ABCB9: variants seen among roughly 807,000 people sequenced by gnomAD.
The protein encoded by ABCB9 is ATP binding cassette subfamily B member 9, also known as ABC-type oligopeptide transporter ABCB9.
A neutral mutation model predicts 62.0 loss-of-function variants in ABCB9; 36 were observed. The ratio of observed to expected loss-of-function variants is 0.58; its 90% CI spans 0.45 to 0.77. ABCB9 has a LOEUF of 0.77. Ranked by LOEUF, ABCB9 falls within the 30% of genes least tolerant of loss-of-function variation. The pLI is 0.00. For synonymous variants in ABCB9, 435 were observed against 461.4 expected (o/e 0.94, Z 0.73); for missense variants, 943 against 1,054.7 (o/e 0.89, Z 1.47).
Position 122,959,972 on chromosome 12 carries a change from G to A in ABCB9, c.264C>T (p.Leu88=), listed in dbSNP as rs141160734. The change falls in exon 2 of 12, where the codon CTC becomes CTT. Residue 88 remains leucine (L), a synonymous_variant. Coordinates refer to ENST00000280560, the MANE Select transcript of ABCB9 (RefSeq NM_019625.4). This position sits in a 1 kb window ranked among gnomAD's most constrained non-coding sequence, Gnocchi z 5.4. ...RLRASWLVIT[L]VCLFVGIYAM... is the part of the protein sequence containing the mutation. Reference sequence around the variant, plus strand: ...CATAGATGCCCACGAAGAGGCACACGAGGGTGATGACCAGCCACGAGGCCC... The same window carrying A: ...CATAGATGCCCACGAAGAGGCACACAAGGGTGATGACCAGCCACGAGGCCC... 1.2e-3 allele frequency: 1,999 copies of A among 1,613,214 alleles called. 27 individuals carry two copies. The South Asian group carries it at 0.016, about 13-fold the overall frequency.
chr12:122,932,778 A>T lies in ABCB9; in HGVS notation c.1904-450T>A, dbSNP rs2035253525. Among the ~76,000 whole-genome samples, 1 of 152,272 alleles carries T rather than the reference A, an allele frequency of 6.6e-6. No individual in the cohort carries two copies. The highest frequency in any genetic ancestry group is 2.1e-4 in the South Asian group (1 of 4,820). On this transcript the variant is annotated intron_variant, in intron 10 of 11. Coordinates refer to ENST00000280560, the MANE Select transcript of ABCB9 (RefSeq NM_019625.4). The surrounding 1 kb of genome is among the most constrained non-coding windows in gnomAD (Gnocchi z 4.7). ...CTGGACCAATTTTCCCCATGGACCG[A>T]CTTCCTCCCATGCACAACAATATAG...
chr12:122,969,191 G>A (rs1287836825), upstream of ABCB9, among the ~76,000 whole-genome samples: 2 of 103,782 alleles, frequency 1.9e-5, no homozygotes, highest in Admixed American at 9.8e-5. Flanking sequence ...CCCCCCCCCC[G>A]GCTGCCATGT....
chr12:122,957,778 C>A (rs1430080584), intron 2 of ABCB9, among the ~76,000 whole-genome samples: 1 of 150,560 alleles, frequency 6.6e-6, no homozygotes, highest in Non-Finnish European at 1.5e-5. Flanking sequence ...CATGCCTGCC[C>A]ACTCTGATGT....
At chr12:122,945,216 G>A (rs1211620672) in intron 6 of ABCB9, among the ~76,000 whole-genome samples, 1 of 152,162 alleles carries the variant, frequency 6.6e-6, no homozygotes, top group South Asian at 2.1e-4. Context: ...GGCAGCACCA[G>A]GAAGTCCCAG....
intron 1 of ABCB9, among the ~76,000 whole-genome samples, chr12:122,965,034 G>T (rs2037100266): frequency 6.6e-6 from 1 of 152,124 alleles, no homozygotes; most frequent in Admixed American, 6.5e-5. Context: ...AAGTTATTAT[G>T]ACACTGCAAC....
chr12:122,945,946 G>C, intron 6 of ABCB9, 79 bp downstream of exon 6: 3 of 1,271,826 alleles, frequency 2.4e-6, no homozygotes, highest in East Asian at 2.5e-5. Context: ...ATGCAGGACT[G>C]ATGTCCTAGA....
downstream of ABCB9, among the ~76,000 whole-genome samples, chr12:122,920,762 A>T (rs78670896): frequency 9.3e-5 from 14 of 149,774 alleles, no homozygotes; most frequent in South Asian, 2.1e-4. Flanking sequence ...AAAAAAAAAA[A>T]TTTTGCCAGG....
At chr12:122,975,070 G>A (rs771939284) in exon 1 of ABCB9, 58 of 468,362 alleles carry the variant, frequency 1.2e-4, no homozygotes, top group Non-Finnish European at 1.9e-4. Flanking sequence ...GGAGGCCGCC[G>A]GTCCCAACCC....
rs749892791 is a variant in ABCB9, at chr12:122,946,113, G to GCCT, written c.1160_1162dup (p.Glu387dup). ...CTGCAGCTTCCGCAGGTACACCTCTGCCTCCTCCTCCTCATTGGCGAAGCT... is the reference window on the plus strand; with the variant it reads ...CTGCAGCTTCCGCAGGTACACCTCTGCCTCCTCCTCCTCCTCATTGGCGAAGCT... On this transcript the variant is annotated inframe_insertion, in exon 6 of 12. Transcript: ENST00000280560. The GCCT allele has an allele frequency of 1.2e-6, 2 of 1,614,014 alleles. No homozygotes were observed. The highest frequency in any genetic ancestry group is 2.2e-5 in the East Asian group (1 of 44,874).
intron 4 of ABCB9, 88 bp downstream of exon 4, chr12:122,949,700 C>T: frequency 6.5e-6 from 10 of 1,536,698 alleles, no homozygotes; most frequent in African/African-American, 1.4e-5. Flanking sequence ...TGAGACCACC[C>T]ACACGCCCAT....
chr12:122,950,251 C>T (rs2036289743), intron 3 of ABCB9, among the ~76,000 whole-genome samples, 200 bp downstream of exon 3: 1 of 152,208 alleles, frequency 6.6e-6, no homozygotes, highest in African/African-American at 2.4e-5. Context: ...AAGCCCTTTT[C>T]AGGGACCAGA....
At chr12:122,972,037 C>CTTTTTTTTTTTTTTTTTTTTTTT (rs57112984) in intron 1 of ABCB9, among the ~76,000 whole-genome samples, 1 of 99,270 alleles carries the variant, frequency 1.0e-5, no homozygotes. Context: ...TTCATAATGT[C>CTTTTTTTTTTTTTTTTTTTTTTT]TTTTTTTTTT....
chr12:122,945,946 G>T, intron 6 of ABCB9, 79 bp downstream of exon 6: 4 of 1,271,802 alleles, frequency 3.1e-6, no homozygotes, highest in Non-Finnish European at 4.5e-6. Flanking sequence ...ATGCAGGACT[G>T]ATGTCCTAGA....
At chr12:122,972,205 C>T (rs567712210) in intron 1 of ABCB9, among the ~76,000 whole-genome samples, 3 of 151,682 alleles carry the variant, frequency 2.0e-5, no homozygotes, top group South Asian at 2.1e-4. Flanking sequence ...CCACCGCGCC[C>T]GGCTAATTTT....
intron 1 of ABCB9, among the ~76,000 whole-genome samples, chr12:122,973,578 G>GAAAAA (rs57853191): frequency 0.077 from 3,911 of 50,652 alleles, 27 homozygotes; most frequent in East Asian, 0.11. Context: ...CTCAAAAAAA[G>GAAAAA]AAAAAAAAAA....
At position 122,921,097 on chromosome 12, in the gene ABCB9, G is replaced by C. The variant is rs1193145106; in HGVS notation, c.2041-54C>G. Reference sequence around the variant, plus strand: ...ATGTCAAAGGAAACATTGGGAGTCTGCTTAATGCCTCTGGATCATGCAATT... The same window carrying C: ...ATGTCAAAGGAAACATTGGGAGTCTCCTTAATGCCTCTGGATCATGCAATT... On this transcript the variant is annotated intron_variant, in intron 11 of 11. Transcript: ENST00000344275. 2.6e-6 allele frequency: 4 copies of C among 1,517,456 alleles called. No individual in the cohort carries two copies. The African/African-American group carries it at 5.5e-5, about 21-fold the overall frequency. 94.0% of individuals were successfully genotyped at this position (1,517,456 alleles called of 1,614,324 possible).
At chr12:122,923,432 A>G (rs1041153351) in intron 11 of ABCB9, among the ~76,000 whole-genome samples, 113 of 151,768 alleles carry the variant, frequency 7.4e-4, no homozygotes, top group Non-Finnish European at 1.3e-3. Flanking sequence ...GACTACAGGC[A>G]CCCGCCACCA....
At chr12:122,921,052 A>G in intron 11 of ABCB9, 1 of 1,535,366 alleles carries the variant, frequency 6.5e-7, no homozygotes, top group Non-Finnish European at 8.7e-7. Context: ...ATCTAAGAAG[A>G]TAATAAATAT....
chr12:122,927,066 C>A (rs536686570), downstream of ABCB9, among the ~76,000 whole-genome samples: 56 of 152,230 alleles, frequency 3.7e-4, no homozygotes, highest in Non-Finnish European at 7.5e-4. Flanking sequence ...ACAAATGTAC[C>A]CCAGTACTGT....
Sources: allele counts gnomAD v4.1 joint callset (sites outside exome capture counted in the v4.1 genomes callset), GRCh38; gene constraint gnomAD v4.1.1; non-coding constraint Gnocchi (gnomAD v3.1); transcripts MANE v1.5; gene names NCBI Gene and HGNC (gene_info 2026-07-23, HGNC 2026-07-21).